MYO5A: variants seen among roughly 807,000 people sequenced by gnomAD.
The protein encoded by MYO5A is myosin VA.
Under a neutral mutation model 249.7 loss-of-function variants are expected in MYO5A, and 98 were observed. The ratio of observed to expected loss-of-function variants is 0.39; its 90% CI spans 0.33 to 0.46. The LOEUF is 0.46. Among genes scored for constraint, MYO5A ranks in the 20% least tolerant of loss-of-function variants. The pLI is 0.98. For missense variants in MYO5A, 1,696 were observed against 2,308.8 expected, an observed-to-expected ratio of 0.73 and a Z score of 5.44; for synonymous variants, 778 against 810.6, an observed-to-expected ratio of 0.96 and a Z score of 0.68.
Position 52,313,793 on chromosome 15 carries a change from A to G in MYO5A, c.5546T>C (p.Ile1849Thr). The G allele has an allele frequency of 6.2e-7, 1 of 1,614,122 alleles. No homozygotes were observed. The highest frequency in any genetic ancestry group is 8.5e-7 in the Non-Finnish European group (1 of 1,180,014). ...SPQLLMDAKH[I>T]FPVTFPFNPS... Reference sequence around the variant, plus strand: ...GTTGAAAGGAAAGGTGACAGGAAAGATGTGTTTAGCATCCATGAGCAGCTG... The same window carrying G: ...GTTGAAAGGAAAGGTGACAGGAAAGGTGTGTTTAGCATCCATGAGCAGCTG... Residue 1849 changes from isoleucine (I) to threonine (T), a missense_variant, in exon 42 of 42, where the codon ATC becomes ACC. Transcript: ENST00000399233.
At chr15:52,373,619 T>C (rs1379221070) in intron 20 of MYO5A, among the ~76,000 whole-genome samples, 5 of 152,152 alleles carry the variant, frequency 3.3e-5, no homozygotes, top group Non-Finnish European at 7.4e-5. Flanking sequence ...AGCAAGCCTC[T>C]ACGCTACCAC....
At chr15:52,336,031 A>G (rs2039103782) in intron 34 of MYO5A, among the ~76,000 whole-genome samples, 1 of 152,212 alleles carries the variant, frequency 6.6e-6, no homozygotes. Flanking sequence ...AAACCATGTC[A>G]GATAGATGCT....
At chr15:52,437,263 G>A (rs2075684114) in intron 1 of MYO5A, among the ~76,000 whole-genome samples, 1 of 152,120 alleles carries the variant, frequency 6.6e-6, no homozygotes, top group Non-Finnish European at 1.5e-5. Context: ...TCTCTGGAAG[G>A]CACTACTGGT....
chr15:52,350,654 G>A (rs888440297), intron 28 of MYO5A, among the ~76,000 whole-genome samples: 38 of 152,134 alleles, frequency 2.5e-4, no homozygotes. Flanking sequence ...TTCAGCATAC[G>A]GCAGCACTGG....
chr15:52,501,876 T>TACACAC (rs10552352), intron 1 of MYO5A, among the ~76,000 whole-genome samples: 29 of 140,522 alleles, frequency 2.1e-4, no homozygotes, highest in East Asian at 1.3e-3. Flanking sequence ...ATACATATAC[T>TACACAC]ACACACACAC....
chr15:52,423,081 T>C (rs1050507953), intron 4 of MYO5A, among the ~76,000 whole-genome samples: 2 of 152,144 alleles, frequency 1.3e-5, no homozygotes, highest in Non-Finnish European at 2.9e-5. Flanking sequence ...GTCTATTTAA[T>C]TTGTATCCCC....
At chr15:52,518,061 G>C (rs1336263397) in intron 1 of MYO5A, among the ~76,000 whole-genome samples, 1 of 152,006 alleles carries the variant, frequency 6.6e-6, no homozygotes, top group Non-Finnish European at 1.5e-5. Context: ...CTTACCCTAA[G>C]TTGAAGGCTT....
chr15:52,410,116 C>T (rs1211788470), intron 6 of MYO5A, among the ~76,000 whole-genome samples: 1 of 152,178 alleles, frequency 6.6e-6, no homozygotes, highest in Admixed American at 6.5e-5. Context: ...AAAGTCAAAC[C>T]TAAAAGTGAC....
intron 32 of MYO5A, among the ~76,000 whole-genome samples, chr15:52,339,514 T>C (rs2039281981): frequency 6.6e-6 from 1 of 151,350 alleles, no homozygotes; most frequent in South Asian, 2.1e-4. Flanking sequence ...GAAAATTTTT[T>C]TGGCAAAAGA....
Position 52,308,424 on chromosome 15 carries a change from A to G in MYO5A, c.*5272T>C, listed in dbSNP as rs1385825330. 6.6e-6 allele frequency: 1 copy of G among 152,240 alleles called. No homozygotes were observed. Among genetic ancestry groups the G allele is most frequent in the Non-Finnish European group, 1.5e-5 (1 of 68,044 alleles). 9.4% of individuals were successfully genotyped at this position (152,240 alleles called of 1,614,324 possible). On this transcript the variant is annotated 3_prime_UTR_variant, in exon 42 of 42. Transcript: ENST00000399233. The stretch of plus-strand genomic sequence containing the variant: ...ACAGGGTTCTTAAAAAATTTTGAAA[A>G]GAATGTCCACAAAAAGTTTGAGTTA...
intron 1 of MYO5A, chr15:52,505,625 T>G (rs1485611769): frequency 3.2e-5 from 43 of 1,356,608 alleles, no homozygotes; most frequent in Non-Finnish European, 4.2e-6. Flanking sequence ...TTATTAGATG[T>G]GAAATCTTGG....
intron 34 of MYO5A, among the ~76,000 whole-genome samples, chr15:52,334,175 T>C (rs1430994094): frequency 1.3e-5 from 2 of 152,158 alleles, no homozygotes; most frequent in Non-Finnish European, 2.9e-5. Context: ...GTCTAACCCA[T>C]CTCTTCAACT....
chr15:52,414,546 A>C (rs373330763), intron 5 of MYO5A, among the ~76,000 whole-genome samples: 5 of 152,162 alleles, frequency 3.3e-5, no homozygotes, highest in Admixed American at 1.3e-4. Context: ...TCTAGACTTA[A>C]GTTATCTTCA....
At position 52,379,852 on chromosome 15, in the gene MYO5A, A is replaced by T. The variant is rs776290728; in HGVS notation, c.2069T>A (p.Ile690Asn). 16 of 1,614,152 alleles carry T rather than the reference A, an allele frequency of 9.9e-6. No homozygotes were observed. The highest frequency in any genetic ancestry group is 1.3e-5 in the Non-Finnish European group (15 of 1,180,022). ...GGGGAAACCGGCCGCACTGATTCGG[A>T]TGGTTTCCAGGACACCACATGCTCT... ...QLRACGVLET[I>N]RISAAGFPSR... is the part of the protein sequence containing the mutation. Residue 690 changes from isoleucine to asparagine, a missense_variant, in exon 17 of 42, where the codon ATC becomes AAC. Ile to Asn is a moderately radical substitution (Grantham distance 149). Coordinates refer to ENST00000399233, the MANE Select transcript of MYO5A (RefSeq NM_001382347.1).
intron 1 of MYO5A, among the ~76,000 whole-genome samples, chr15:52,521,025 C>T (rs1303826594): frequency 6.6e-6 from 1 of 151,960 alleles, no homozygotes; most frequent in Non-Finnish European, 1.5e-5. Context: ...GTCAGGAGTT[C>T]GAGACCCGCC....
chr15:52,481,166 C>T (rs2076707315), intron 1 of MYO5A, among the ~76,000 whole-genome samples: 1 of 152,156 alleles, frequency 6.6e-6, no homozygotes, highest in African/African-American at 2.4e-5. Context: ...CAGTCAGCAC[C>T]GGTGCAGTAA....
intron 35 of MYO5A, among the ~76,000 whole-genome samples, 185 bp downstream of exon 35, chr15:52,330,168 T>C (rs546087912): frequency 6.6e-6 from 1 of 152,184 alleles, no homozygotes; most frequent in Non-Finnish European, 1.5e-5. Context: ...GTCTGAGGCA[T>C]GTGTCCCTGC....
At chr15:52,500,342 CAT>C (rs1438001463) in intron 1 of MYO5A, among the ~76,000 whole-genome samples, 4 of 84,482 alleles carry the variant, frequency 4.7e-5, no homozygotes, top group African/African-American at 1.5e-4. Flanking sequence ...ATCCTTTGCC[CAT>C]TTTTTTTTTT....
intron 1 of MYO5A, among the ~76,000 whole-genome samples, chr15:52,508,314 G>C (rs1274299703): frequency 6.6e-6 from 1 of 151,394 alleles, no homozygotes; most frequent in African/African-American, 2.4e-5. Flanking sequence ...GATAATCCAA[G>C]TGGATTTTGT....
Sources: gnomAD v4.1 joint callset for allele counts (sites outside exome capture counted in the v4.1 genomes callset) on GRCh38, gnomAD v4.1.1 for gene constraint, MANE v1.5 for transcripts, NCBI Gene and HGNC (gene_info 2026-07-23, HGNC 2026-07-21) for gene names.